TJAP1: variants seen among roughly 807,000 people sequenced by gnomAD.
The protein encoded by TJAP1 is tight junction associated protein 1.
A neutral mutation model predicts 42.0 loss-of-function variants in TJAP1; 27 were observed. The observed-to-expected ratio is 0.64, with a 90% CI of 0.47 to 0.89. The LOEUF (loss-of-function observed/expected upper bound fraction) is 0.89. Among genes scored for constraint, TJAP1 ranks in the 40% least tolerant of loss-of-function variants. TJAP1 has a pLI of 0.00. For synonymous variants in TJAP1, 257 were observed against 288.4 expected, an observed-to-expected ratio of 0.89 and a Z score of 1.10; for missense variants, 712 against 726.9, an observed-to-expected ratio of 0.98 and a Z score of 0.24.
intron 2 of TJAP1, among the ~76,000 whole-genome samples, chr6:43,490,455 T>A (rs1787559291): frequency 6.6e-6 from 1 of 152,246 alleles, no homozygotes. Flanking sequence ...GGGACTTTTC[T>A]CCTAGATCAG....
Position 43,505,011 on chromosome 6 carries a change from C to G in TJAP1, c.830C>G (p.Pro277Arg), listed in dbSNP as rs1338883057. ...GGTGTCCCAGGTGATCCAGCCAGTCCCCCGGCCCCTGGCAGCCCCACCCCA... is the reference window on the plus strand; with the variant it reads ...GGTGTCCCAGGTGATCCAGCCAGTCGCCCGGCCCCTGGCAGCCCCACCCCA... Residue 277 changes from proline (P) to arginine (R), a missense_variant, in exon 11 of 11, where the codon CCC (proline) becomes CGC (arginine). Coordinates refer to ENST00000372449, the Ensembl canonical transcript of TJAP1. The surrounding 1 kb of genome is among the most constrained non-coding windows in gnomAD (Gnocchi z 5.5). 6.2e-7 allele frequency: 1 copy of G among 1,614,064 alleles called. No individual in the cohort carries two copies. Among genetic ancestry groups the G allele is most frequent in the Admixed American group, 1.7e-5 (1 of 60,026 alleles).
intron 2 of TJAP1, among the ~76,000 whole-genome samples, chr6:43,485,967 G>GTT (rs113524829): frequency 1.3e-4 from 18 of 141,974 alleles, no homozygotes; most frequent in Non-Finnish European, 2.0e-4. Flanking sequence ...GCCTTTTTAT[G>GTT]TTTTTTTTTT....
At chr6:43,499,183 C>T (rs1789942765) in intron 4 of TJAP1, 83 bp downstream of exon 4, 4 of 1,568,292 alleles carry the variant, frequency 2.6e-6, no homozygotes, top group Non-Finnish European at 3.4e-6. Flanking sequence ...CCTGCCTGAG[C>T]TTCTGGTCCT....
rs778926832 is a variant in TJAP1, at chr6:43,505,886, A to C, written c.*31A>C. ...CTGCTGGCCTTCCTGCCATTGCTGC[A>C]CCAGGACTGCAAGGAGTCCCCACAC... On this transcript the variant is annotated 3_prime_UTR_variant, in exon 11 of 11. Coordinates refer to ENST00000372449, the Ensembl canonical transcript of TJAP1. The surrounding 1 kb of genome is among the most constrained non-coding windows in gnomAD (Gnocchi z 5.5). 1.4e-6 allele frequency: 2 copies of C among 1,435,218 alleles called. No individual in the cohort carries two copies. 88.9% of individuals were successfully genotyped at this position (1,435,218 alleles called of 1,614,324 possible). A position where few individuals can be genotyped will look rare whatever the true frequency, so the allele number is the denominator to read the frequency against.
At chr6:43,501,308 C>T (rs1790459591) in intron 5 of TJAP1, 1 of 563,218 alleles carries the variant, frequency 1.8e-6, no homozygotes. Context: ...CTACCATCCC[C>T]TCTTCCTCCC....
intron 2 of TJAP1, among the ~76,000 whole-genome samples, chr6:43,493,318 A>C (rs1473220508): frequency 6.6e-6 from 1 of 152,186 alleles, no homozygotes; most frequent in East Asian, 1.9e-4. Context: ...TTCAGAAATT[A>C]TCTGAACCCA....
intron 2 of TJAP1, among the ~76,000 whole-genome samples, chr6:43,480,150 T>G (rs188941870): frequency 2.0e-5 from 3 of 152,350 alleles, no homozygotes; most frequent in Admixed American, 2.0e-4. Flanking sequence ...TACATTAATA[T>G]GCTTACTCAG....
At chr6:43,496,914 C>G (rs778097883) in intron 2 of TJAP1, 1 of 152,200 alleles carries the variant, frequency 6.6e-6, no homozygotes, top group South Asian at 2.1e-4. Context: ...CTCAGGAGGC[C>G]GGAGGGGCTC....
At chr6:43,503,275 TC>T (rs1441638842) in intron 8 of TJAP1, 125 bp from the exon 9 acceptor site, 1 of 690,608 alleles carries the variant, frequency 1.4e-6, no homozygotes, top group Non-Finnish European at 2.6e-6. Context: ...GTCATTTGTC[TC>T]TGCTCTGTCC....
intron 2 of TJAP1, chr6:43,489,689 C>T (rs749440159): frequency 6.6e-6 from 1 of 152,248 alleles, no homozygotes; most frequent in Non-Finnish European, 1.5e-5. Context: ...TGTTGACCAA[C>T]CAGAGAGGCT....
chr6:43,504,042 G>C (rs1397919382), intron 10 of TJAP1: 2 of 491,060 alleles, frequency 4.1e-6, no homozygotes, highest in South Asian at 1.8e-5. Context: ...ACCCCAAGGG[G>C]TAAACTCTAG....
chr6:43,499,170 TCTC>T (rs1789941366), intron 4 of TJAP1, 70 bp downstream of exon 4: 8 of 1,586,872 alleles, frequency 5.0e-6, no homozygotes, highest in Middle Eastern at 3.4e-4. Context: ...CTGGCTGACT[TCTC>T]CTGCCTGAGC....
rs557019761 is a variant in TJAP1 at position 43,495,290 on chromosome 6, C to T, written c.-121-2591C>T. ...CATCACTGTCCTCCTTGGGTCTGTCCGGACTTTCCCTGCACACCTTCCTTG... is the reference window on the plus strand; with the variant it reads ...CATCACTGTCCTCCTTGGGTCTGTCTGGACTTTCCCTGCACACCTTCCTTG... On this transcript the variant is annotated intron_variant, in intron 2 of 10. Coordinates refer to ENST00000372449, the Ensembl canonical transcript of TJAP1. This position sits in a 1 kb window ranked among gnomAD's most constrained non-coding sequence, Gnocchi z 4.6. 1.6e-4 allele frequency among the ~76,000 whole-genome samples: 25 copies of T among 152,324 alleles called. No individual in the cohort carries two copies. The South Asian group carries it at 3.9e-3, about 24-fold the overall frequency.
At chr6:43,506,248 G>GTAAT (rs2127674563) in exon 11 of TJAP1, 1 of 163,116 alleles carries the variant, frequency 6.1e-6, no homozygotes, top group African/African-American at 2.4e-5. Flanking sequence ...GGGTGATGGT[G>GTAAT]TAATTGTTAA....
At chr6:43,487,719 A>T (rs1786841123) in intron 2 of TJAP1, among the ~76,000 whole-genome samples, 1 of 152,138 alleles carries the variant, frequency 6.6e-6, no homozygotes, top group Non-Finnish European at 1.5e-5. Flanking sequence ...CCATAAACAT[A>T]CATCCCTTGT....
intron 2 of TJAP1, among the ~76,000 whole-genome samples, chr6:43,478,497 A>C (rs1307508111): frequency 6.6e-6 from 1 of 152,260 alleles, no homozygotes; most frequent in Non-Finnish European, 1.5e-5. Flanking sequence ...GGATGTTAAC[A>C]CATCCCTGTC....
chr6:43,493,890 G>T (rs1258018380), intron 2 of TJAP1, among the ~76,000 whole-genome samples: 1 of 152,140 alleles, frequency 6.6e-6, no homozygotes, highest in Non-Finnish European at 1.5e-5. Flanking sequence ...GCAGGTATAA[G>T]TCCCACCTCC....
Position 43,506,160 on chromosome 6 carries a change from T to A in TJAP1, c.*305T>A, listed in dbSNP as rs572214188. 1.2e-3 allele frequency: 356 copies of A among 298,992 alleles called. 3 individuals are homozygous for A. Among genetic ancestry groups the A allele is most frequent in the African/African-American group, 6.7e-3 (312 of 46,534 alleles). 18.5% of individuals were successfully genotyped at this position (298,992 alleles called of 1,614,324 possible). ...CAACCCAGCCCAGACTGGGCTTTTC[T>A]GGGGAGCTGAGGAGTTTATCAGTAT... is the stretch of plus-strand genomic sequence containing the variant. On this transcript the variant is annotated 3_prime_UTR_variant, in exon 11 of 11. Transcript: ENST00000372449.
chr6:43,495,162 C>CT lies in TJAP1; in HGVS notation c.-121-2718dup, dbSNP rs1293489549. On this transcript the variant is annotated intron_variant, in intron 2 of 10. Transcript: ENST00000372449. The surrounding 1 kb of genome is among the most constrained non-coding windows in gnomAD (Gnocchi z 4.6). ...GGCTGCACCTGGTAGCTGGGTCTTCCTGGAGGGACCACTCTGATGCCATCT... is the reference window on the plus strand; with the variant it reads ...GGCTGCACCTGGTAGCTGGGTCTTCCTTGGAGGGACCACTCTGATGCCATCT... Among the ~76,000 whole-genome samples, 1 of 152,218 alleles carries CT rather than the reference C, an allele frequency of 6.6e-6. No homozygotes were observed. Among genetic ancestry groups the CT allele is most frequent in the African/African-American group, 2.4e-5 (1 of 41,458 alleles).
Sources: allele counts gnomAD v4.1 joint callset (sites outside exome capture counted in the v4.1 genomes callset), GRCh38; gene constraint gnomAD v4.1.1; non-coding constraint Gnocchi (gnomAD v3.1); transcripts MANE v1.5; gene names NCBI Gene and HGNC (gene_info 2026-07-23, HGNC 2026-07-21).